SF3A2: variants seen among roughly 807,000 people sequenced by gnomAD.
The protein encoded by SF3A2 is splicing factor 3a subunit 2, also known as SAP 62.
SF3A2 carries 5 observed loss-of-function variants against 31.1 expected under a neutral mutation model. The observed-to-expected ratio is 0.16, with a 90% CI of 0.08 to 0.34. SF3A2 has a LOEUF of 0.34. SF3A2 is among the 10% of genes least tolerant of loss of function. The pLI is 1.00. For missense variants in SF3A2, 577 were observed against 643.9 expected, an observed-to-expected ratio of 0.90 and a Z score of 1.13; for synonymous variants, 365 against 263.7, an observed-to-expected ratio of 1.38 and a Z score of -3.72.
chr19:2,247,012 T>C lies in SF3A2; in HGVS notation c.536T>C (p.Ile179Thr), dbSNP rs1300096747. 2.2e-6 allele frequency: 3 copies of C among 1,385,534 alleles called. No homozygotes were observed. The highest frequency in any genetic ancestry group is 2.3e-5 in the Admixed American group (1 of 43,820). The allele number at this position is 1,385,534 out of a possible 1,614,324, so 85.8% of individuals were successfully genotyped here. A position where few individuals can be genotyped will look rare whatever the true frequency, so the allele number is the denominator to read the frequency against. The change falls in exon 7 of 9, where the codon ATT becomes ACT. Residue 179 changes from isoleucine to threonine, a missense_variant. Physicochemically the swap from Ile to Thr is moderately conservative, Grantham distance 89. This residue lies in a region of SF3A2 where 37 missense variants were observed against 85.0 expected (regional missense o/e 0.44). Transcript: ENST00000221494. ...ATGGCCGCCGAGCCCTACGAGACCATTGCCTTCAAGGTAGCGTGGCTGCGG... is the reference window on the plus strand; with the variant it reads ...ATGGCCGCCGAGCCCTACGAGACCACTGCCTTCAAGGTAGCGTGGCTGCGG... The part of the protein sequence containing the change: ...LLMAAEPYET[I>T]AFKVPSREID...
rs748296550 is a variant in SF3A2, at chr19:2,247,579, C to A, written c.547-15C>A. 5 of 1,612,680 alleles carry A rather than the reference C, an allele frequency of 3.1e-6. No homozygotes were observed. The African/African-American group carries it at 6.7e-5, about 22-fold the overall frequency. The stretch of plus-strand genomic sequence containing the variant: ...CACAGGGACCAGGAGCCCTCTCTGT[C>A]CCCCGCCCTCCCAGGTGCCGAGCAG... On this transcript the variant is annotated splice_polypyrimidine_tract_variant and intron_variant, in intron 7 of 8. Transcript: ENST00000221494.
Position 2,248,466 on chromosome 19 carries a change from A to G in SF3A2, c.1315A>G (p.Thr439Ala). ...HPSNPGVHPPTPMPPMLRPPL... is the reference protein window; with the variant it reads ...HPSNPGVHPPAPMPPMLRPPL... Reference sequence around the variant, plus strand: ...CTCAAATCCTGGGGTGCACCCCCCAACTCCCATGCCCCCAATGCTGAGGCC... The same window carrying G: ...CTCAAATCCTGGGGTGCACCCCCCAGCTCCCATGCCCCCAATGCTGAGGCC... The change falls in exon 9 of 9, where the codon ACT becomes GCT. Residue 439 changes from threonine to alanine, a missense_variant. Around this residue, in one of 6 missense-constraint regions of SF3A2, gnomAD observed 462 missense variants for 339.1 expected, o/e 1.36. Coordinates refer to ENST00000221494, the MANE Select transcript of SF3A2 (RefSeq NM_007165.5). 9.4e-7 allele frequency: 1 copy of G among 1,061,852 alleles called. No individual in the cohort carries two copies. The allele number at this position is 1,061,852 out of a possible 1,614,324, so 65.8% of individuals were successfully genotyped here.
In SF3A2 at chr19:2,248,044, C is replaced by A; in HGVS notation, c.893C>A (p.Ala298Glu). ...HPPAPVVHPP[A>E]SGVHPPAPGV... ...CCGGCCCCAGTGGTGCATCCCCCTGCATCTGGGGTCCATCCCCCAGCTCCT... is the reference window on the plus strand; with the variant it reads ...CCGGCCCCAGTGGTGCATCCCCCTGAATCTGGGGTCCATCCCCCAGCTCCT... The change falls in exon 9 of 9, where the codon GCA becomes GAA. Residue 298 changes from alanine (A) to glutamate (E), a missense_variant. Around this residue, in one of 6 missense-constraint regions of SF3A2, gnomAD observed 462 missense variants for 339.1 expected, o/e 1.36. Coordinates refer to ENST00000221494, the MANE Select transcript of SF3A2 (RefSeq NM_007165.5). 1.0e-6 allele frequency: 1 copy of A among 958,870 alleles called. No homozygotes were observed. The allele number at this position is 958,870 out of a possible 1,614,324, so 59.4% of individuals were successfully genotyped here.
intron 2 of SF3A2, among the ~76,000 whole-genome samples, chr19:2,243,817 G>A (rs2024910006): frequency 6.6e-6 from 1 of 152,236 alleles, no homozygotes; most frequent in South Asian, 2.1e-4. Context: ...AGTGGGGAGA[G>A]CTGATGTCAG....
At chr19:2,241,567 C>T (rs145250813) in intron 1 of SF3A2, among the ~76,000 whole-genome samples, 2 of 152,352 alleles carry the variant, frequency 1.3e-5, no homozygotes, top group African/African-American at 4.8e-5. Flanking sequence ...CAGAACCTCC[C>T]AGGCAGCTGT....
chr19:2,243,292 CGA>C, intron 1 of SF3A2, 88 bp from the exon 2 acceptor site: 1 of 1,115,188 alleles, frequency 9.0e-7, no homozygotes, highest in Non-Finnish European at 1.2e-6. Context: ...GGGGCAGTCT[CGA>C]GGGCTCCAGC....
intron 1 of SF3A2, among the ~76,000 whole-genome samples, chr19:2,238,738 T>C (rs2024863065): frequency 6.6e-6 from 1 of 152,208 alleles, no homozygotes; most frequent in South Asian, 2.1e-4. Flanking sequence ...CACCTATCAG[T>C]TGTATTTTGC....
Position 2,244,630 on chromosome 19 carries a change from T to C in SF3A2, c.198+15T>C. On this transcript the variant is annotated intron_variant, in intron 3 of 8. Transcript: ENST00000221494. ...ACAACAATGAGGTGCGGCCTCTGCC[T>C]GGCTCCGGGCGGCTCGCGGCGGGCT... 1 of 1,613,600 alleles carries C rather than the reference T, an allele frequency of 6.2e-7. No homozygotes were observed. Among genetic ancestry groups the C allele is most frequent in the Non-Finnish European group, 8.5e-7 (1 of 1,179,576 alleles).
rs1313136524 is a variant in SF3A2 at position 2,243,366 on chromosome 19, C to A, written c.-37-16C>A. The A allele has an allele frequency of 1.9e-5, 28 of 1,477,132 alleles. No homozygotes were observed. The highest frequency in any genetic ancestry group is 2.5e-5 in the Non-Finnish European group (28 of 1,116,952). The allele number at this position is 1,477,132 out of a possible 1,614,324, so 91.5% of individuals were successfully genotyped here. On this transcript the variant is annotated splice_polypyrimidine_tract_variant and intron_variant, in intron 1 of 8. Coordinates refer to ENST00000221494, the MANE Select transcript of SF3A2 (RefSeq NM_007165.5). ...GTTCTGAGCCATCTTCCTCACTCTC[C>A]TCTTGGCCTCCACAGGTGTCTCCCA...
Position 2,247,869 on chromosome 19 carries a change from G to T in SF3A2, c.718G>T (p.Gly240Cys). 3 of 1,558,320 alleles carry T rather than the reference G, an allele frequency of 1.9e-6. 1 individual carries two copies. Among genetic ancestry groups the T allele is most frequent in the South Asian group, 2.2e-5 (2 of 90,076 alleles). The change falls in exon 9 of 9, where the codon GGT (glycine) becomes TGT (cysteine). Residue 240 changes from glycine (G) to cysteine (C), a missense_variant. Coordinates refer to ENST00000221494, the MANE Select transcript of SF3A2 (RefSeq NM_007165.5). ...GCGGCCTCCACCCCCGCTGATGAACGGTCTGCCCCCTCGGCCACCGCTGCC... is the reference window on the plus strand; with the variant it reads ...GCGGCCTCCACCCCCGCTGATGAACTGTCTGCCCCCTCGGCCACCGCTGCC... The part of the protein sequence containing the change: ...VKRPPPPLMN[G>C]LPPRPPLPES...
At position 2,245,273 on chromosome 19, in the gene SF3A2, G is replaced by T. The variant is rs1463853956; in HGVS notation, c.246-173G>T. 3 of 592,490 alleles carry T rather than the reference G, an allele frequency of 5.1e-6. No individual in the cohort carries two copies. The highest frequency in any genetic ancestry group is 6.0e-6 in the Non-Finnish European group (2 of 332,434). 36.7% of individuals were successfully genotyped at this position (592,490 alleles called of 1,614,324 possible). On this transcript the variant is annotated intron_variant, in intron 4 of 8. Coordinates refer to ENST00000221494, the MANE Select transcript of SF3A2 (RefSeq NM_007165.5). This position sits in a 1 kb window ranked among gnomAD's most constrained non-coding sequence, Gnocchi z 4.2. ...GAGGAGCATGACAGGAAGAGAACAT[G>T]CCTGTCCTATCCCTGTCCTCAGCCA... is the stretch of plus-strand genomic sequence containing the variant.
chr19:2,244,970 A>G, intron 4 of SF3A2, 191 bp downstream of exon 4: 1 of 601,266 alleles, frequency 1.7e-6, no homozygotes, highest in South Asian at 2.0e-5. Context: ...AGATCACTTG[A>G]GGTCAGGAGT....
intron 1 of SF3A2, among the ~76,000 whole-genome samples, chr19:2,241,613 G>A (rs573287587): frequency 5.3e-5 from 8 of 152,362 alleles, no homozygotes; most frequent in East Asian, 1.9e-4. Context: ...AGGAGTTGGC[G>A]TGGCCTGCAG....
In SF3A2 at chr19:2,247,875, C is replaced by A; in HGVS notation, c.724C>A (p.Pro242Thr). 3 of 1,560,270 alleles carry A rather than the reference C, an allele frequency of 1.9e-6. No individual in the cohort carries two copies. Among genetic ancestry groups the A allele is most frequent in the Non-Finnish European group, 2.6e-6 (3 of 1,142,186 alleles). The change falls in exon 9 of 9, where the codon CCC becomes ACC. Residue 242 changes from proline (P) to threonine (T), a missense_variant. Around this residue, in one of 6 missense-constraint regions of SF3A2, gnomAD observed 462 missense variants for 339.1 expected, o/e 1.36. Transcript: ENST00000221494. Reference sequence around the variant, plus strand: ...TCCACCCCCGCTGATGAACGGTCTGCCCCCTCGGCCACCGCTGCCTGAGTC... The same window carrying A: ...TCCACCCCCGCTGATGAACGGTCTGACCCCTCGGCCACCGCTGCCTGAGTC... Reference protein sequence around the residue: ...RPPPPLMNGLPPRPPLPESLP... With the variant: ...RPPPPLMNGLTPRPPLPESLP...
At position 2,246,702 on chromosome 19, in the gene SF3A2, C is replaced by T. The variant is rs753159906; in HGVS notation, c.356-51C>T. 1.1e-5 allele frequency: 18 copies of T among 1,611,134 alleles called. No individual in the cohort carries two copies. The highest frequency in any genetic ancestry group is 1.4e-5 in the Non-Finnish European group (17 of 1,178,376). ...TGGCATTAGCCTGCCCCAGGTTCCT[C>T]AGCTTCGGAGAGGACAAGCAGCCGG... On this transcript the variant is annotated intron_variant, in intron 5 of 8. Coordinates refer to ENST00000221494, the MANE Select transcript of SF3A2 (RefSeq NM_007165.5). The surrounding 1 kb of genome is among the most constrained non-coding windows in gnomAD (Gnocchi z 5.5).
chr19:2,240,995 C>T (rs1181375446), intron 1 of SF3A2, among the ~76,000 whole-genome samples: 2 of 152,274 alleles, frequency 1.3e-5, no homozygotes, highest in East Asian at 1.9e-4. Flanking sequence ...CAGAAGCTGC[C>T]GGCCATGAGG....
In SF3A2 at chr19:2,245,949, C is replaced by T. The variant is rs868191687; in HGVS notation, c.355+394C>T. On this transcript the variant is annotated intron_variant, in intron 5 of 8. Coordinates refer to ENST00000221494, the MANE Select transcript of SF3A2 (RefSeq NM_007165.5). This position sits in a 1 kb window ranked among gnomAD's most constrained non-coding sequence, Gnocchi z 4.2. ...AGCGGCTGTTAGAGGCAGCTCCTCC[C>T]GGACCCTCAGCAGTGGGAATGGCTA... 7.3e-5 allele frequency: 17 copies of T among 232,294 alleles called. No individual in the cohort carries two copies. The highest frequency in any genetic ancestry group is 3.2e-3 in the Middle Eastern group (2 of 622). 14.4% of individuals were successfully genotyped at this position (232,294 alleles called of 1,614,324 possible).
rs1367464019 is a variant in SF3A2, at chr19:2,246,223, G to A, written c.356-530G>A. ...GAGGCCCTGACAGGTCCTGGGCTTG[G>A]GCTCAGGACGGTGAGGCGGCAGAGG... On this transcript the variant is annotated intron_variant, in intron 5 of 8. Coordinates refer to ENST00000221494, the MANE Select transcript of SF3A2 (RefSeq NM_007165.5). This position sits in a 1 kb window ranked among gnomAD's most constrained non-coding sequence, Gnocchi z 5.5. Among the ~76,000 whole-genome samples the A allele has an allele frequency of 6.6e-6, 1 of 152,140 alleles. No homozygotes were observed. Among genetic ancestry groups the A allele is most frequent in the Non-Finnish European group, 1.5e-5 (1 of 68,004 alleles).
chr19:2,244,126 T>A (rs1367071791), intron 2 of SF3A2, among the ~76,000 whole-genome samples: 2 of 152,228 alleles, frequency 1.3e-5, no homozygotes, highest in African/African-American at 4.8e-5. Context: ...GGCGGGTCTT[T>A]GGGTCTTCAG....
Sources: allele counts gnomAD v4.1 joint callset (sites outside exome capture counted in the v4.1 genomes callset), GRCh38; gene constraint gnomAD v4.1.1; regional missense constraint gnomAD v4.1.1; non-coding constraint Gnocchi (gnomAD v3.1); transcripts MANE v1.5; gene names NCBI Gene and HGNC (gene_info 2026-07-23, HGNC 2026-07-21).